Variants in HAPLN2 observed in about 807,000 individuals in gnomAD.
HAPLN2 encodes hyaluronan and proteoglycan link protein 2.
In HAPLN2, 27 loss-of-function variants were observed where a neutral mutation model predicts 29.3. The observed-to-expected ratio is 0.92, with a 90% CI of 0.68 to 1.27. HAPLN2 has a LOEUF of 1.27. Among genes scored for constraint, HAPLN2 ranks in the 50% most tolerant of loss-of-function variants. The probability of loss-of-function intolerance (pLI) is 0.00; values close to 1 mark genes in which losing one functional copy is unlikely to be tolerated. For synonymous variants in HAPLN2, 208 were observed against 211.7 expected (o/e 0.98, Z 0.15); for missense variants, 454 against 484.3 (o/e 0.94, Z 0.59).
chr1:156,605,907 TG>T, the HAPLN2 span, among the ~76,000 whole-genome samples: 33,751 of 152,084 alleles, frequency 0.22, 4,244 homozygotes, highest in South Asian at 0.5. Flanking sequence ...CCCAGCATTT[TG>T]GGAGGCCAAG....
chr1:156,605,598 CAAAA>C, the HAPLN2 span, among the ~76,000 whole-genome samples: 2 of 63,844 alleles, frequency 3.1e-5, no homozygotes, highest in African/African-American at 1.4e-4. Context: ...GACTTGGTCT[CAAAA>C]AAAAAAAAAA....
chr1:156,623,053 T>TAAAATA lies in HAPLN2; in HGVS notation c.-24-411_-24-410insATAAAA, dbSNP rs1553235352. Among the ~76,000 whole-genome samples the TAAAATA allele has an allele frequency of 6.2e-5, 7 of 112,802 alleles. 1 individual carries two copies. Among genetic ancestry groups the TAAAATA allele is most frequent in the African/African-American group, 2.2e-4 (7 of 31,126 alleles). The allele number at this position is 112,802 out of a possible 152,430, so 74.0% of individuals were successfully genotyped here. A position where few individuals can be genotyped will look rare whatever the true frequency, so the allele number is the denominator to read the frequency against. On this transcript the variant is annotated intron_variant, in intron 2 of 6. Transcript: ENST00000255039. ...TGTCTCAAAAAAATAAATAAATAAA[T>TAAAATA]AAATAAATAAATAAATAAATAAATA... is the stretch of plus-strand genomic sequence containing the variant.
At chr1:156,618,295 G>A (rs1323513496), upstream of HAPLN2, among the ~76,000 whole-genome samples, 3 of 111,562 alleles carry the variant, frequency 2.7e-5, no homozygotes, top group Admixed American at 1.1e-4. Flanking sequence ...GACAGAGCCA[G>A]ACTCTGTCTC....
chr1:156,623,433 G>A (rs1678320073), intron 2 of HAPLN2, 34 bp from the exon 3 acceptor site: 1 of 1,583,206 alleles, frequency 6.3e-7, no homozygotes. Flanking sequence ...TTTTGCCCCA[G>A]TCCTAAGAAC....
In HAPLN2 at chr1:156,625,082, G is replaced by T; in HGVS notation, c.740-19G>T. The T allele has an allele frequency of 6.5e-7, 1 of 1,534,706 alleles. No individual in the cohort carries two copies. The highest frequency in any genetic ancestry group is 1.2e-5 in the South Asian group (1 of 83,850). The stretch of plus-strand genomic sequence containing the variant: ...TCCGCCCACCCTGCCCTCGGTCGGT[G>T]ACCCGCTGTGGTCCCCAGGCCAAGT... On this transcript the variant is annotated intron_variant, in intron 6 of 6. Coordinates refer to ENST00000255039, the MANE Select transcript of HAPLN2 (RefSeq NM_021817.3). The surrounding 1 kb of genome is among the most constrained non-coding windows in gnomAD (Gnocchi z 5.7).
chr1:156,623,989 C>T lies in HAPLN2; in HGVS notation c.268C>T (p.His90Tyr). Reference protein sequence around the residue: ...ETLILITNGLHARGYGPLGGR... With the variant: ...ETLILITNGLYARGYGPLGGR... Reference sequence around the variant, plus strand: ...GCTGATCCTCATCACCAACGGACTGCACGCCCGGGGGTATGGGCCCCTGGG... The same window carrying T: ...GCTGATCCTCATCACCAACGGACTGTACGCCCGGGGGTATGGGCCCCTGGG... Residue 90 changes from histidine (H) to tyrosine (Y), a missense_variant, in exon 4 of 7, where the codon CAC (histidine) becomes TAC (tyrosine). His to Tyr is a moderately conservative substitution (Grantham distance 83). Transcript: ENST00000255039. 6.2e-7 allele frequency: 1 copy of T among 1,608,048 alleles called. No individual in the cohort carries two copies. Among genetic ancestry groups the T allele is most frequent in the Non-Finnish European group, 8.5e-7 (1 of 1,177,168 alleles).
At position 156,624,061 on chromosome 1, in the gene HAPLN2, G is replaced by A. The variant is rs1678352746; in HGVS notation, c.340G>A (p.Val114Ile). 6.2e-7 allele frequency: 1 copy of A among 1,613,524 alleles called. No homozygotes were observed. The change falls in exon 4 of 7, where the codon GTC becomes ATC. Residue 114 changes from valine (V) to isoleucine (I), a missense_variant. Physicochemically the swap from Val to Ile is conservative, Grantham distance 29. Around this residue, in one of 3 missense-constraint regions of HAPLN2, gnomAD observed 204 missense variants for 209.2 expected, o/e 0.98. Transcript: ENST00000255039. The part of the protein sequence containing the change: ...RRGHRLDASL[V>I]IAGVRLEDEG... ...GGGGCATCGACTAGACGCCTCCCTGGTCATCGCGGGCGTGCGCCTGGAGGA... is the reference window on the plus strand; with the variant it reads ...GGGGCATCGACTAGACGCCTCCCTGATCATCGCGGGCGTGCGCCTGGAGGA...
At position 156,625,342 on chromosome 1, in the gene HAPLN2, C is replaced by T. The variant is rs1197027272; in HGVS notation, c.981C>T (p.Pro327=). 1.2e-6 allele frequency: 2 copies of T among 1,601,122 alleles called. No individual in the cohort carries two copies. The highest frequency in any genetic ancestry group is 1.7e-6 in the Non-Finnish European group (2 of 1,174,736). Residue 327 remains proline (P), a synonymous_variant, in exon 7 of 7, where the codon CCC becomes CCT. Coordinates refer to ENST00000255039, the MANE Select transcript of HAPLN2 (RefSeq NM_021817.3). The surrounding 1 kb of genome is among the most constrained non-coding windows in gnomAD (Gnocchi z 5.7). Reference sequence around the variant, plus strand: ...TGCGCAGTTTCGGCTTCCCCAGGCCCCAACAGGCAGCCTATGGGACCTACT... The same window carrying T: ...TGCGCAGTTTCGGCTTCCCCAGGCCTCAACAGGCAGCCTATGGGACCTACT... ...PGVRSFGFPR[P]QQAAYGTYCY...
intron 5 of HAPLN2, 60 bp downstream of exon 5, chr1:156,624,527 A>T: frequency 6.2e-7 from 1 of 1,602,162 alleles, no homozygotes; most frequent in Non-Finnish European, 8.5e-7. Flanking sequence ...GGCCCGAGAG[A>T]GGGCGCCAGG....
At chr1:156,603,880 G>A in the HAPLN2 span, among the ~76,000 whole-genome samples, 1 of 152,156 alleles carries the variant, frequency 6.6e-6, no homozygotes, top group African/African-American at 2.4e-5. Context: ...TAAGAGTTAT[G>A]GCAAGGTCAG....
chr1:156,621,734 A>G (rs12404677), intron 2 of HAPLN2, among the ~76,000 whole-genome samples: 1 of 6,686 alleles, frequency 1.5e-4, no homozygotes, highest in East Asian at 0.071. Flanking sequence ...CAGAAAAAAG[A>G]AAAAAAAAAA....
At chr1:156,611,029 C>T in the HAPLN2 span, among the ~76,000 whole-genome samples, 5 of 152,150 alleles carry the variant, frequency 3.3e-5, no homozygotes, top group Non-Finnish European at 7.3e-5. Flanking sequence ...CACCTGTAAT[C>T]CCAGCACTTT....
the HAPLN2 span, among the ~76,000 whole-genome samples, chr1:156,610,408 C>T: frequency 1.3e-5 from 2 of 151,918 alleles, no homozygotes; most frequent in Admixed American, 1.3e-4. Context: ...GAGGCCAAGG[C>T]AGACGGATCA....
intron 4 of HAPLN2, 34 bp downstream of exon 4, chr1:156,624,194 T>C (rs1341184288): frequency 6.3e-7 from 1 of 1,584,258 alleles, no homozygotes. Context: ...CATTCCTGTG[T>C]AGCAGCGGGT....
At chr1:156,605,547 T>A in the HAPLN2 span, among the ~76,000 whole-genome samples, 1 of 126,494 alleles carries the variant, frequency 7.9e-6, no homozygotes, top group Non-Finnish European at 1.5e-5. Flanking sequence ...TTTGGTGAGC[T>A]GAGATCATGC....
chr1:156,624,011 TGGGAGG>T lies in HAPLN2; in HGVS notation c.292_297del (p.Gly98_Gly99del). Reference sequence around the variant, plus strand: ...CTGCACGCCCGGGGGTATGGGCCCCTGGGAGGGCGCGCCAGGATGCGGAGGGGGCAT... The same window carrying T: ...CTGCACGCCCGGGGGTATGGGCCCCTGCGCGCCAGGATGCGGAGGGGGCAT... On this transcript the variant is annotated inframe_deletion, in exon 4 of 7. Coordinates refer to ENST00000255039, the MANE Select transcript of HAPLN2 (RefSeq NM_021817.3). 17 of 1,610,700 alleles carry T rather than the reference TGGGAGG, an allele frequency of 1.1e-5. No individual in the cohort carries two copies. The highest frequency in any genetic ancestry group is 1.4e-5 in the Non-Finnish European group (17 of 1,178,622).
At chr1:156,611,933 C>T in the HAPLN2 span, among the ~76,000 whole-genome samples, 20 of 152,362 alleles carry the variant, frequency 1.3e-4, 1 homozygote, top group East Asian at 3.3e-3. Context: ...ACCCCTACTC[C>T]ATACTGCCTT....
chr1:156,608,893 A>G, the HAPLN2 span, among the ~76,000 whole-genome samples: 3 of 152,120 alleles, frequency 2.0e-5, no homozygotes, highest in African/African-American at 7.2e-5. Context: ...TATGTTTTTC[A>G]TACGACATAT....
intron 6 of HAPLN2, 114 bp downstream of exon 6, chr1:156,624,897 GC>G (rs1013460993): frequency 1.2e-4 from 162 of 1,299,010 alleles, no homozygotes; most frequent in South Asian, 1.2e-3. Flanking sequence ...CCAAGGCACC[GC>G]CCCCCCATCA....
Sources: gnomAD v4.1 joint callset for allele counts (sites outside exome capture counted in the v4.1 genomes callset) on GRCh38, gnomAD v4.1.1 for gene constraint, gnomAD v4.1.1 regional missense constraint, Gnocchi (gnomAD v3.1) non-coding constraint, MANE v1.5 for transcripts, NCBI Gene and HGNC (gene_info 2026-07-23, HGNC 2026-07-21) for gene names.